Variants in EYS observed in about 807,000 individuals in gnomAD.
EYS encodes protein eyes shut homolog.
In EYS, 250 loss-of-function variants were observed where a neutral mutation model predicts 282.1. The ratio of observed to expected loss-of-function variants is 0.89; its 90% confidence interval spans 0.80 to 0.98. The LOEUF (loss-of-function observed/expected upper bound fraction) is 0.98, where lower values mean the gene tolerates loss of function less well. Among genes scored for constraint, EYS ranks in the 50% least tolerant of loss-of-function variants. EYS has a pLI of 0.00. For missense variants in EYS, 4,016 were observed against 3,709.0 expected (o/e 1.08, Z -2.15); for synonymous variants, 1,355 against 1,282.9 (o/e 1.06, Z -1.20).
chr6:64,927,952 G>A (rs529952439), intron 15 of EYS, among the ~76,000 whole-genome samples: 125 of 152,180 alleles, frequency 8.2e-4, no homozygotes, highest in African/African-American at 2.9e-3. Flanking sequence ...TAGGGTATAA[G>A]AGGGTGGAAA....
intron 33 of EYS, among the ~76,000 whole-genome samples, chr6:64,031,425 G>A (rs1247117561): frequency 6.6e-6 from 1 of 152,188 alleles, no homozygotes; most frequent in Non-Finnish European, 1.5e-5. Context: ...ATGGGCTCCT[G>A]TGCGGCCCAA....
intron 28 of EYS, among the ~76,000 whole-genome samples, chr6:64,416,433 T>C (rs536975917): frequency 1.3e-5 from 2 of 152,238 alleles, no homozygotes; most frequent in Admixed American, 1.3e-4. Context: ...ACTCAATTTC[T>C]GAGCTTATTA....
At position 64,430,299 on chromosome 6, in the gene EYS, T is replaced by C. The variant is rs191426213; in HGVS notation, c.5927+5875A>G. Among the ~76,000 whole-genome samples the C allele has an allele frequency of 8.0e-4, 122 of 152,304 alleles. 1 individual carries two copies. Among genetic ancestry groups the C allele is most frequent in the Non-Finnish European group, 3.7e-4 (25 of 68,018 alleles). Reference sequence around the variant, plus strand: ...TACCACTCAAACACATAAGAAGGTATATGATGTGATGATGAAACAATTTTT... The same window carrying C: ...TACCACTCAAACACATAAGAAGGTACATGATGTGATGATGAAACAATTTTT... On this transcript the variant is annotated intron_variant, in intron 28 of 42. Coordinates refer to ENST00000503581, the MANE Select transcript of EYS (RefSeq NM_001142800.2).
chr6:65,610,043 T>C (rs1765937994), intron 2 of EYS, among the ~76,000 whole-genome samples: 1 of 151,920 alleles, frequency 6.6e-6, no homozygotes, highest in South Asian at 2.1e-4. Context: ...GGACTACAGG[T>C]GCATGCCACC....
intron 11 of EYS, among the ~76,000 whole-genome samples, chr6:65,328,988 CT>C (rs1769701798): frequency 6.6e-6 from 1 of 150,918 alleles, no homozygotes; most frequent in Non-Finnish European, 1.5e-5. Context: ...AACTCCAAGT[CT>C]TAGAAAATAA....
chr6:65,158,410 G>T (rs1378566214), intron 12 of EYS, among the ~76,000 whole-genome samples: 1 of 150,766 alleles, frequency 6.6e-6, no homozygotes, highest in Non-Finnish European at 1.5e-5. Flanking sequence ...AAGCTAAAGA[G>T]TTTTAAAATT....
chr6:64,826,088 C>T (rs1205360416), intron 19 of EYS, among the ~76,000 whole-genome samples: 1 of 151,706 alleles, frequency 6.6e-6, no homozygotes, highest in Non-Finnish European at 1.5e-5. Context: ...GCCTTATATA[C>T]CAGGTATTTC....
chr6:64,306,904 G>A, intron 30 of EYS, 66 bp downstream of exon 30: 1 of 788,816 alleles, frequency 1.3e-6, no homozygotes, highest in Non-Finnish European at 2.1e-6. Context: ...TATTTCAATT[G>A]GAAATGATAT....
chr6:64,502,698 G>A (rs202121032), intron 26 of EYS, among the ~76,000 whole-genome samples: 2 of 140,772 alleles, frequency 1.4e-5, no homozygotes, highest in African/African-American at 5.1e-5. Flanking sequence ...TGACAGTTTT[G>A]TTTTTTTTTT....
chr6:65,048,916 A>G (rs1451178499), intron 13 of EYS, among the ~76,000 whole-genome samples: 1 of 151,854 alleles, frequency 6.6e-6, no homozygotes, highest in Admixed American at 6.6e-5. Context: ...CCTCTACAAT[A>G]GACCACAGCT....
chr6:64,503,330 A>G lies in EYS; in HGVS notation c.5645-63978T>C, dbSNP rs1351170550. Among the ~76,000 whole-genome samples, 4 of 152,194 alleles carry G rather than the reference A, an allele frequency of 2.6e-5. No homozygotes were observed. The East Asian group carries it at 5.8e-4, about 22-fold the overall frequency. ...CTGGCTTGATTTGAAGGAAAAAAAA[A>G]TCCAAGTCAAATCATCCTTTCAGAG... On this transcript the variant is annotated intron_variant, in intron 26 of 42. Coordinates refer to ENST00000503581, the MANE Select transcript of EYS (RefSeq NM_001142800.2).
intron 8 of EYS, among the ~76,000 whole-genome samples, chr6:65,380,802 G>T (rs1321722595): frequency 6.6e-6 from 1 of 151,978 alleles, no homozygotes; most frequent in African/African-American, 2.4e-5. Flanking sequence ...CAAAAAATGG[G>T]CAAAGTTTAT....
intron 29 of EYS, among the ~76,000 whole-genome samples, chr6:64,316,253 A>C (rs1455311662): frequency 6.6e-6 from 1 of 152,188 alleles, no homozygotes; most frequent in African/African-American, 2.4e-5. Context: ...CAGGGTATTC[A>C]ATTAGGAAAA....
intron 35 of EYS, among the ~76,000 whole-genome samples, chr6:63,921,037 C>A (rs866111577): frequency 2.1e-4 from 32 of 152,236 alleles, no homozygotes; most frequent in Middle Eastern, 3.4e-3. Context: ...GGACTACAGG[C>A]ACTGGCCACC....
chr6:65,367,493 A>G, intron 8 of EYS, among the ~76,000 whole-genome samples: 1 of 151,860 alleles, frequency 6.6e-6, no homozygotes, highest in East Asian at 1.9e-4. Context: ...TCTCTAAGAC[A>G]TTTAAAATGT....
At chr6:65,034,965 A>C (rs1772721459) in intron 13 of EYS, among the ~76,000 whole-genome samples, 1 of 152,142 alleles carries the variant, frequency 6.6e-6, no homozygotes, top group Admixed American at 6.6e-5. Flanking sequence ...AATACTCAAA[A>C]AAGTATTACC....
At chr6:64,781,056 A>G (rs1432142247) in intron 22 of EYS, among the ~76,000 whole-genome samples, 2 of 152,204 alleles carry the variant, frequency 1.3e-5, no homozygotes, top group African/African-American at 4.8e-5. Context: ...GTGGTACTCA[A>G]GACTCAAGGT....
chr6:65,632,281 T>A (rs1766944311), intron 2 of EYS, among the ~76,000 whole-genome samples: 2 of 152,174 alleles, frequency 1.3e-5, no homozygotes, highest in South Asian at 4.1e-4. Flanking sequence ...CTCTGCTCGT[T>A]CATCAGTAGA....
chr6:64,577,976 A>G (rs1478149882), intron 26 of EYS, among the ~76,000 whole-genome samples: 1 of 152,112 alleles, frequency 6.6e-6, no homozygotes, highest in Non-Finnish European at 1.5e-5. Flanking sequence ...AGAAAATTAC[A>G]TTGACTCAAC....
Sources: allele counts gnomAD v4.1 joint callset (sites outside exome capture counted in the v4.1 genomes callset), GRCh38; gene constraint gnomAD v4.1.1; transcripts MANE v1.5; gene names NCBI Gene and HGNC (gene_info 2026-07-23, HGNC 2026-07-21).